The following CYP2S1 variants were observed in gnomAD, a reference collection of about 807,000 sequenced individuals.
CYP2S1 encodes cytochrome P450 family 2 subfamily S member 1.
Under a neutral mutation model 43.5 loss-of-function variants are expected in CYP2S1, and 32 were observed. That is an observed-to-expected ratio of 0.74 (90% confidence interval 0.56 to 0.99). The LOEUF is 0.99. Among genes scored for constraint, CYP2S1 ranks in the 50% least tolerant of loss-of-function variants. The pLI, the probability that CYP2S1 is intolerant of heterozygous loss-of-function variation, is 0.00. For missense variants in CYP2S1, 575 were observed against 673.9 expected (o/e 0.85, Z 1.62); for synonymous variants, 283 against 302.9 (o/e 0.93, Z 0.68).
chr19:41,200,324 T>C (rs930259682), intron 5 of CYP2S1, among the ~76,000 whole-genome samples: 1 of 152,118 alleles, frequency 6.6e-6, no homozygotes, highest in African/African-American at 2.4e-5. Context: ...AAGCTGAAAC[T>C]CTATACCCAT....
chr19:41,205,958 G>A lies in CYP2S1; in HGVS notation c.1165G>A (p.Gly389Ser), dbSNP rs2033570488. The A allele has an allele frequency of 6.2e-7, 1 of 1,613,422 alleles. No individual in the cohort carries two copies. The highest frequency in any genetic ancestry group is 1.3e-5 in the African/African-American group (1 of 74,848). Residue 389 changes from glycine to serine, a missense_variant and splice_region_variant, in exon 8 of 9, where the codon GGC becomes AGC. Gly to Ser is a moderately conservative substitution (Grantham distance 56, BLOSUM62 0). Coordinates refer to ENST00000310054, the MANE Select transcript of CYP2S1 (RefSeq NM_030622.8). The part of the protein sequence containing the change: ...TRFRGYTLPQ[G>S]TEVFPLLGSI... ...TAGTTTCATTATTATTTCCCCTCAG[G>A]GCACGGAGGTCTTCCCCCTCCTTGG...
At position 41,207,014 on chromosome 19, in the gene CYP2S1, C is replaced by CTTTTAATGAT; in HGVS notation, c.*526_*527insTTTTAATGAT. 3.3e-6 allele frequency: 1 copy of CTTTTAATGAT among 299,148 alleles called. No individual in the cohort carries two copies. The allele number at this position is 299,148 out of a possible 1,614,324, so 18.5% of individuals were successfully genotyped here. A position where few individuals can be genotyped will look rare whatever the true frequency, so the allele number is the denominator to read the frequency against. ...CTCATGCTCCCTCTCTTGGCTACACCACTCTCCCAGCCTGTGACCACCGAT... is the reference window on the plus strand; with the variant it reads ...CTCATGCTCCCTCTCTTGGCTACACCTTTTAATGATACTCTCCCAGCCTGTGACCACCGAT... On this transcript the variant is annotated 3_prime_UTR_variant, in exon 9 of 9. Coordinates refer to ENST00000310054, the MANE Select transcript of CYP2S1 (RefSeq NM_030622.8).
intron 1 of CYP2S1, 134 bp from the exon 2 acceptor site, chr19:41,194,410 G>T: frequency 2.5e-6 from 3 of 1,179,170 alleles, no homozygotes; most frequent in Non-Finnish European, 3.4e-6. Flanking sequence ...TATTTCTGCT[G>T]GGATGGGGGC....
chr19:41,195,996 A>T lies in CYP2S1; in HGVS notation c.343+1287A>T, dbSNP rs543078107. 2.0e-4 allele frequency among the ~76,000 whole-genome samples: 30 copies of T among 152,210 alleles called. 1 individual carries two copies. In the South Asian group the frequency reaches 6.2e-3, roughly 32 times the overall value. ...CTCCTACTGTGGGAGAGGCGGGCTT[A>T]TACTGCAGTAAGACAATAGAGGGAG... On this transcript the variant is annotated intron_variant, in intron 2 of 8. Coordinates refer to ENST00000310054, the MANE Select transcript of CYP2S1 (RefSeq NM_030622.8).
chr19:41,202,004 G>A (rs2033496149), intron 6 of CYP2S1, among the ~76,000 whole-genome samples: 2 of 151,810 alleles, frequency 1.3e-5, no homozygotes, highest in African/African-American at 4.8e-5. Context: ...ACTTTTTGTG[G>A]GGGATAGACT....
Position 41,206,510 on chromosome 19 carries a change from TG to T in CYP2S1, c.*25del. The T allele has an allele frequency of 6.2e-7, 1 of 1,613,940 alleles. No homozygotes were observed. Among genetic ancestry groups the T allele is most frequent in the South Asian group, 1.1e-5 (1 of 91,078 alleles). ...ATGAAGGAAGGCAACTTGGAAGTGG[TG>T]GGTGCCCAGGACGGTGCCTCCAGCC... is the stretch of plus-strand genomic sequence containing the variant. On this transcript the variant is annotated 3_prime_UTR_variant, in exon 9 of 9. Coordinates refer to ENST00000310054, the MANE Select transcript of CYP2S1 (RefSeq NM_030622.8).
In CYP2S1 at chr19:41,198,692, T is replaced by C; in HGVS notation, c.655-17T>C. 6.2e-7 allele frequency: 1 copy of C among 1,613,598 alleles called. No individual in the cohort carries two copies. On this transcript the variant is annotated splice_polypyrimidine_tract_variant and intron_variant, in intron 4 of 8. Coordinates refer to ENST00000310054, the MANE Select transcript of CYP2S1 (RefSeq NM_030622.8). The surrounding 1 kb of genome is among the most constrained non-coding windows in gnomAD (Gnocchi z 4.9). ...CTGCCAAGGTCCCATGAGAACTAGC[T>C]GCCCTTCTCCCCACAGACCTACGAG... is the stretch of plus-strand genomic sequence containing the variant.
intron 2 of CYP2S1, among the ~76,000 whole-genome samples, chr19:41,197,119 C>T (rs567235860): frequency 7.9e-5 from 12 of 152,058 alleles, no homozygotes; most frequent in Admixed American, 7.9e-4. Flanking sequence ...CGCTTGAACC[C>T]GAGAGGCAGA....
rs756997221 is a variant in CYP2S1, at chr19:41,194,477, C to G, written c.178-67C>G. 2.8e-4 allele frequency: 408 copies of G among 1,482,700 alleles called. 2 individuals are homozygous for G. Among genetic ancestry groups the G allele is most frequent in the Non-Finnish European group, 3.3e-4 (371 of 1,119,300 alleles). 91.8% of individuals were successfully genotyped at this position (1,482,700 alleles called of 1,614,324 possible). On this transcript the variant is annotated intron_variant, in intron 1 of 8. Transcript: ENST00000310054. ...CCGGTGGCTCCTCAAGTGACAGGGG[C>G]CATGATGGAGACACCTTGGATCGAA... is the stretch of plus-strand genomic sequence containing the variant.
At chr19:41,205,303 A>G (rs892054222) in intron 7 of CYP2S1, among the ~76,000 whole-genome samples, 1 of 149,092 alleles carries the variant, frequency 6.7e-6, no homozygotes, top group Non-Finnish European at 1.5e-5. Context: ...CTCAGAGACT[A>G]TGCCTTAACT....
intron 6 of CYP2S1, among the ~76,000 whole-genome samples, chr19:41,202,117 A>T (rs1396288401): frequency 6.6e-6 from 1 of 152,024 alleles, no homozygotes; most frequent in African/African-American, 2.4e-5. Flanking sequence ...CCTCCCAAGT[A>T]GCTAGGATTA....
intron 7 of CYP2S1, among the ~76,000 whole-genome samples, chr19:41,205,665 G>A (rs914031114): frequency 3.9e-5 from 6 of 151,902 alleles, no homozygotes; most frequent in Non-Finnish European, 8.8e-5. Flanking sequence ...GGGACAACGG[G>A]CTCATACCAC....
chr19:41,199,322 TTA>T (rs1456532536), intron 5 of CYP2S1, among the ~76,000 whole-genome samples: 2 of 152,142 alleles, frequency 1.3e-5, no homozygotes, highest in African/African-American at 4.8e-5. Flanking sequence ...CAATATCAAG[TTA>T]TGTTAATAAA....
At position 41,203,628 on chromosome 19, in the gene CYP2S1, C is replaced by G; in HGVS notation, c.1155C>G (p.Thr385=). 1 of 1,540,738 alleles carries G rather than the reference C, an allele frequency of 6.5e-7. No homozygotes were observed. Among genetic ancestry groups the G allele is most frequent in the Non-Finnish European group, 8.8e-7 (1 of 1,141,588 alleles). ...LMRTTRFRGY[T]LPQGTEVFPL... ...GGACCACCCGCTTCCGAGGGTACACCCTGCCCCAGGTGGGTATGCGTATGG... is the reference window on the plus strand; with the variant it reads ...GGACCACCCGCTTCCGAGGGTACACGCTGCCCCAGGTGGGTATGCGTATGG... Residue 385 remains threonine (T), a synonymous_variant, in exon 7 of 9, where the codon ACC becomes ACG. Transcript: ENST00000310054.
chr19:41,207,023 A>ATACG lies in CYP2S1; in HGVS notation c.*535_*536insTACG. 1 of 342,306 alleles carries ATACG rather than the reference A, an allele frequency of 2.9e-6. No homozygotes were observed. Among genetic ancestry groups the ATACG allele is most frequent in the South Asian group, 2.2e-5 (1 of 44,692 alleles). The allele number at this position is 342,306 out of a possible 1,614,324, so 21.2% of individuals were successfully genotyped here. A position where few individuals can be genotyped will look rare whatever the true frequency, so the allele number is the denominator to read the frequency against. On this transcript the variant is annotated 3_prime_UTR_variant, in exon 9 of 9. Transcript: ENST00000310054. The stretch of plus-strand genomic sequence containing the variant: ...CCTCTCTTGGCTACACCACTCTCCC[A>ATACG]GCCTGTGACCACCGATGTCCACACA...
At chr19:41,205,388 CTCTCTT>C (rs2033557202) in intron 7 of CYP2S1, among the ~76,000 whole-genome samples, 1 of 55,298 alleles carries the variant, frequency 1.8e-5, no homozygotes, top group Non-Finnish European at 3.7e-5. Context: ...CTTTCTCTCT[CTCTCTT>C]TCTTTCTCTC....
At chr19:41,194,087 A>G (rs1018865878) in intron 1 of CYP2S1, among the ~76,000 whole-genome samples, 5 of 152,054 alleles carry the variant, frequency 3.3e-5, no homozygotes, top group African/African-American at 1.2e-4. Context: ...TCCCATTCAA[A>G]AGGATTCTGG....
intron 6 of CYP2S1, among the ~76,000 whole-genome samples, chr19:41,202,294 T>G (rs1356952335): frequency 6.6e-6 from 1 of 152,010 alleles, no homozygotes; most frequent in Non-Finnish European, 1.5e-5. Context: ...AGCCCAACTC[T>G]AGCATTTTCG....
chr19:41,206,193 T>C (rs2033574419), intron 8 of CYP2S1, 87 bp from the exon 9 acceptor site: 2 of 1,609,566 alleles, frequency 1.2e-6, no homozygotes, highest in Non-Finnish European at 1.7e-6. Context: ...CTGGGCTTAC[T>C]GTTGGCTCCT....
Sources: gnomAD v4.1 joint callset for allele counts (sites outside exome capture counted in the v4.1 genomes callset) on GRCh38, gnomAD v4.1.1 for gene constraint, Gnocchi (gnomAD v3.1) non-coding constraint, MANE v1.5 for transcripts, NCBI Gene and HGNC (gene_info 2026-07-23, HGNC 2026-07-21) for gene names.